The following NIPA2 variants were observed in gnomAD, a reference collection of about 807,000 sequenced individuals.
The protein encoded by NIPA2 is magnesium transporter NIPA2.
Under a neutral mutation model 29.7 loss-of-function variants are expected in NIPA2, and 11 were observed. The observed-to-expected ratio is 0.37, with a 90% CI of 0.23 to 0.61. The LOEUF is 0.61. Among genes scored for constraint, NIPA2 ranks in the 20% least tolerant of loss-of-function variants. The pLI is 0.66. For missense variants in NIPA2, 426 were observed against 437.9 expected (o/e 0.97, Z 0.24); for synonymous variants, 183 against 161.9 (o/e 1.13, Z -0.99).
intron 4 of NIPA2, among the ~76,000 whole-genome samples, chr15:22,852,467 TAA>T (rs71411211): frequency 9.9e-5 from 13 of 130,902 alleles, no homozygotes; most frequent in Admixed American, 1.6e-4. Flanking sequence ...AGACTCCGTC[TAA>T]AAAAAAAAAA....
In NIPA2 at chr15:22,846,296, T is replaced by C. The variant is rs147358698; in HGVS notation, c.-94+1029T>C. Among the ~76,000 whole-genome samples the C allele has an allele frequency of 3.3e-3, 504 of 152,206 alleles. 4 individuals carry two copies. The highest frequency in any genetic ancestry group is 0.011 in the African/African-American group (468 of 41,538). ...AGCAACTGTACCTGTGCCTGGTCAC[T>C]GTGATGAGAATTGTTTGGCATCTTG... is the stretch of plus-strand genomic sequence containing the variant. On this transcript the variant is annotated intron_variant, in intron 3 of 7. Transcript: ENST00000337451.
intron 4 of NIPA2, among the ~76,000 whole-genome samples, chr15:22,852,967 TC>T (rs1202979412): frequency 1.3e-5 from 2 of 152,196 alleles, no homozygotes; most frequent in African/African-American, 2.4e-5. Context: ...TACTGCTTGT[TC>T]CCCTAGTCCC....
intron 4 of NIPA2, among the ~76,000 whole-genome samples, chr15:22,852,851 G>C (rs2057875319): frequency 6.6e-6 from 1 of 152,140 alleles, no homozygotes; most frequent in Non-Finnish European, 1.5e-5. Flanking sequence ...CCACCCTTCT[G>C]TCTTCCCTGT....
In NIPA2 at chr15:22,867,041, G is replaced by A. The variant is rs1379680891; in HGVS notation, c.*194G>A. On this transcript the variant is annotated 3_prime_UTR_variant, in exon 8 of 8. Transcript: ENST00000337451. ...ATGGTAGCTCACTAAAATGACCTCAGCACATGACGATTTCTATTAACATTT... is the reference window on the plus strand; with the variant it reads ...ATGGTAGCTCACTAAAATGACCTCAACACATGACGATTTCTATTAACATTT... 1.8e-6 allele frequency: 1 copy of A among 542,736 alleles called. No homozygotes were observed. The highest frequency in any genetic ancestry group is 3.0e-5 in the East Asian group (1 of 33,484). The allele number at this position is 542,736 out of a possible 1,614,324, so 33.6% of individuals were successfully genotyped here.
chr15:22,847,534 G>A (rs540920654), intron 3 of NIPA2, among the ~76,000 whole-genome samples: 3 of 151,476 alleles, frequency 2.0e-5, no homozygotes, highest in South Asian at 2.1e-4. Flanking sequence ...GGGTGATCTC[G>A]GCTTACTGAA....
At position 22,858,401 on chromosome 15, in the gene NIPA2, TA is replaced by T. The variant is rs878949618; in HGVS notation, c.197-134del. The T allele has an allele frequency of 9.0e-5, 45 of 498,280 alleles. 1 individual carries two copies. In the South Asian group the frequency reaches 9.2e-4, roughly 10 times the overall value. The allele number at this position is 498,280 out of a possible 1,614,324, so 30.9% of individuals were successfully genotyped here. A position where few individuals can be genotyped will look rare whatever the true frequency, so the allele number is the denominator to read the frequency against. On this transcript the variant is annotated intron_variant, in intron 5 of 7. Coordinates refer to ENST00000337451, the MANE Select transcript of NIPA2 (RefSeq NM_030922.7). ...AGAGTGAGACTCCGTCTCAAAAAAA[TA>T]AAAATAATAAATTGGAAAAATATGG... is the stretch of plus-strand genomic sequence containing the variant.
At chr15:22,842,550 C>G (rs567538507) in intron 2 of NIPA2, among the ~76,000 whole-genome samples, 1 of 151,182 alleles carries the variant, frequency 6.6e-6, no homozygotes, top group Non-Finnish European at 1.5e-5. Context: ...AAATATTGGC[C>G]GGGCACGGTA....
intron 6 of NIPA2, among the ~76,000 whole-genome samples, chr15:22,859,552 A>G (rs1455740387): frequency 1.3e-5 from 2 of 152,174 alleles, no homozygotes; most frequent in African/African-American, 2.4e-5. Flanking sequence ...TTGGCCTCCC[A>G]AAGTGTTGGG....
intron 5 of NIPA2, among the ~76,000 whole-genome samples, chr15:22,857,318 T>C (rs2058255766): frequency 6.6e-6 from 1 of 151,618 alleles, no homozygotes; most frequent in Non-Finnish European, 1.5e-5. Context: ...GGGCCTGTAA[T>C]CCCAGCTACT....
chr15:22,866,791 GAAC>G lies in NIPA2; in HGVS notation c.1032_1034del (p.Gln344del), dbSNP rs752291916. On this transcript the variant is annotated inframe_deletion, in exon 8 of 8. Coordinates refer to ENST00000337451, the MANE Select transcript of NIPA2 (RefSeq NM_030922.7). ...TGAAGAAAGCTTAACCTGTGGAATC[GAAC>G]AACACACTGGTGAAAATGTCTCCCG... 6.2e-7 allele frequency: 1 copy of G among 1,611,736 alleles called. No individual in the cohort carries two copies. Among genetic ancestry groups the G allele is most frequent in the Admixed American group, 1.7e-5 (1 of 59,818 alleles).
chr15:22,859,290 CTTTTT>C (rs60644942), intron 6 of NIPA2, among the ~76,000 whole-genome samples: 25 of 97,340 alleles, frequency 2.6e-4, no homozygotes, highest in African/African-American at 9.2e-4. Context: ...ATTTCTTTTT[CTTTTT>C]TTTTTTTTTT....
At chr15:22,858,181 C>T (rs1202638256) in intron 5 of NIPA2, among the ~76,000 whole-genome samples, 1 of 152,070 alleles carries the variant, frequency 6.6e-6, no homozygotes, top group African/African-American at 2.4e-5. Context: ...ATCACGAGGT[C>T]AGGAGATCAA....
intron 5 of NIPA2, among the ~76,000 whole-genome samples, chr15:22,857,619 TTG>T (rs1385750924): frequency 6.7e-6 from 1 of 150,094 alleles, no homozygotes; most frequent in Non-Finnish European, 1.5e-5. Flanking sequence ...GGTGGATCAT[TTG>T]AGGTCAGGAG....
intron 3 of NIPA2, among the ~76,000 whole-genome samples, chr15:22,849,184 T>C (rs2057521361): frequency 6.6e-6 from 1 of 152,210 alleles, no homozygotes; most frequent in Admixed American, 6.5e-5. Context: ...GACTCACCTA[T>C]CTAGAATTAT....
chr15:22,864,300 A>T (rs556129231), intron 7 of NIPA2, among the ~76,000 whole-genome samples: 2 of 151,912 alleles, frequency 1.3e-5, no homozygotes, highest in South Asian at 2.1e-4. Flanking sequence ...GACTACAGGC[A>T]CCCACCACCA....
At chr15:22,846,626 A>G (rs1898711719) in intron 3 of NIPA2, among the ~76,000 whole-genome samples, 1 of 151,940 alleles carries the variant, frequency 6.6e-6, no homozygotes, top group Non-Finnish European at 1.5e-5. Context: ...CAGCCTGGAC[A>G]ACATGGTGAA....
chr15:22,852,125 T>C (rs1383307632), intron 4 of NIPA2, among the ~76,000 whole-genome samples: 26 of 152,180 alleles, frequency 1.7e-4, no homozygotes, highest in Non-Finnish European at 1.5e-5. Context: ...CCAAGTAATA[T>C]CCAACCTTTT....
chr15:22,840,874 T>C (rs1896903536), intron 2 of NIPA2, among the ~76,000 whole-genome samples: 1 of 152,186 alleles, frequency 6.6e-6, no homozygotes, highest in Non-Finnish European at 1.5e-5. Context: ...GTAAATATGG[T>C]TTACTCATAT....
At chr15:22,857,329 T>G (rs1303813988) in intron 5 of NIPA2, among the ~76,000 whole-genome samples, 3 of 150,832 alleles carry the variant, frequency 2.0e-5, no homozygotes, top group African/African-American at 7.3e-5. Context: ...CCCAGCTACT[T>G]GGGAGGCTGA....
Sources: gnomAD v4.1 joint callset for allele counts (sites outside exome capture counted in the v4.1 genomes callset) on GRCh38, gnomAD v4.1.1 for gene constraint, MANE v1.5 for transcripts, NCBI Gene and HGNC (gene_info 2026-07-23, HGNC 2026-07-21) for gene names.